Variants in HS3ST6 observed in about 807,000 individuals in gnomAD.
The protein encoded by HS3ST6 is heparan sulfate glucosamine 3-O-sulfotransferase 6.
Under a neutral mutation model 11.0 loss-of-function variants are expected in HS3ST6, and 13 were observed. That is an observed-to-expected ratio of 1.18 (90% CI 0.77 to 1.88). The LOEUF is 1.88. HS3ST6 is among the 40% of genes most tolerant of loss of function. The pLI, the probability that HS3ST6 is intolerant of heterozygous loss-of-function variation, is 0.00. For missense variants in HS3ST6, 541 were observed against 494.4 expected (o/e 1.09, Z -0.89); for synonymous variants, 232 against 230.6 (o/e 1.01, Z -0.06).
upstream of HS3ST6, among the ~76,000 whole-genome samples, chr16:1,918,835 G>A (rs2082945742): frequency 1.3e-5 from 2 of 152,182 alleles, no homozygotes; most frequent in South Asian, 2.1e-4. The surrounding 1 kb of genome is among the most constrained non-coding windows in gnomAD (Gnocchi z 6.0). Context: ...TCATCGCCAG[G>A]CCAAGGGGAC....
rs765483098 is a variant in HS3ST6 at position 1,911,694 on chromosome 16, G to T, written c.925C>A (p.His309Asn). 1.2e-6 allele frequency: 2 copies of T among 1,612,150 alleles called. No homozygotes were observed. The highest frequency in any genetic ancestry group is 2.2e-5 in the South Asian group (2 of 90,972). ...RCLGKSKGRP[H>N]PRVPQALVRR... ...ACCAGGGCCTGGGGCACGCGTGGGT[G>T]TGGCCGGCCCTTGGACTTGCCCAGG... Residue 309 changes from histidine to asparagine, a missense_variant, in exon 2 of 2, where the codon CAC becomes AAC. Physicochemically the swap from His to Asn is moderately conservative, Grantham distance 68. Transcript: ENST00000454677.
At chr16:1,916,264 G>C (rs556012453) in intron 1 of HS3ST6, among the ~76,000 whole-genome samples, 1 of 92,236 alleles carries the variant, frequency 1.1e-5, no homozygotes, top group Non-Finnish European at 2.3e-5. Flanking sequence ...GTTGGTCCAA[G>C]GGACAATACC....
upstream of HS3ST6, among the ~76,000 whole-genome samples, chr16:1,920,051 G>C (rs116532780): frequency 4.9e-5 from 7 of 144,210 alleles, no homozygotes; most frequent in African/African-American, 1.8e-4. Flanking sequence ...GGTCTCAGGA[G>C]TCCCCACGGT....
In HS3ST6 at chr16:1,912,023, G is replaced by A. The variant is rs189679573; in HGVS notation, c.596C>T (p.Pro199Leu). Residue 199 changes from proline (P) to leucine (L), a missense_variant, in exon 2 of 2, where the codon CCG becomes CTG. Physicochemically the swap from Pro to Leu is moderately conservative, Grantham distance 98. Transcript: ENST00000454677. The surrounding 1 kb of genome is among the most constrained non-coding windows in gnomAD (Gnocchi z 5.6). ...CAGGGCGCGGAAGCTGGGCAGGCCC[G>A]GGGTCTTGGAGAGCGTCTGGGCGTA... ...SDYAQTLSKT[P>L]GLPSFRALAF... The A allele has an allele frequency of 2.1e-3, 3,133 of 1,526,942 alleles. 23 individuals carry two copies. In the East Asian group the frequency reaches 0.024, roughly 12 times the overall value. 94.6% of individuals were successfully genotyped at this position (1,526,942 alleles called of 1,614,324 possible).
chr16:1,920,068 ATCCCCATGGTCTCAGCT>A (rs2082953146), upstream of HS3ST6, among the ~76,000 whole-genome samples: 4 of 84,184 alleles, frequency 4.8e-5, no homozygotes, highest in Non-Finnish European at 5.0e-5. Flanking sequence ...CGGTCTCAGC[ATCCCCATGGTCTCAGCT>A]GTCCCCAGGG....
chr16:1,917,953 T>G lies in HS3ST6; in HGVS notation c.371A>C (p.His124Pro). 6.6e-7 allele frequency: 1 copy of G among 1,514,688 alleles called. No individual in the cohort carries two copies. The highest frequency in any genetic ancestry group is 8.8e-7 in the Non-Finnish European group (1 of 1,136,416). 93.8% of individuals were successfully genotyped at this position (1,514,688 alleles called of 1,614,324 possible). A position where few individuals can be genotyped will look rare whatever the true frequency, so the allele number is the denominator to read the frequency against. The change falls in exon 1 of 2, where the codon CAC becomes CCC. Residue 124 changes from histidine (H) to proline (P), a missense_variant. By Grantham distance (77) the His-to-Pro change is moderately conservative. Transcript: ENST00000454677. ...PDVRALGSEP[H>P]FFDRCYERGL... ...GCGCTCGTAGCACCTGTCGAAGAAG[T>G]GGGGCTCAGAGCCCAGCGCGCGGAC...
Position 1,918,300 on chromosome 16 carries a change from G to T in HS3ST6, c.24C>A (p.Gly8=). The T allele has an allele frequency of 1.4e-6, 1 of 737,902 alleles. No individual in the cohort carries two copies. The highest frequency in any genetic ancestry group is 1.7e-6 in the Non-Finnish European group (1 of 604,804). 45.7% of individuals were successfully genotyped at this position (737,902 alleles called of 1,614,324 possible). The part of the protein sequence containing the change: MAGSGGL[G]GGAGGGQGAG... ...CGCCCTGGCCGCCCCCGGCCCCGCCGCCCAGGCCGCCGCTACCTGCCATGG... is the reference window on the plus strand; with the variant it reads ...CGCCCTGGCCGCCCCCGGCCCCGCCTCCCAGGCCGCCGCTACCTGCCATGG... Residue 8 remains glycine (G), a synonymous_variant, in exon 1 of 2, where the codon GGC becomes GGA. Transcript: ENST00000454677. The surrounding 1 kb of genome is among the most constrained non-coding windows in gnomAD (Gnocchi z 6.0).
intron 1 of HS3ST6, among the ~76,000 whole-genome samples, chr16:1,914,965 T>C (rs1013632416): frequency 2.0e-5 from 3 of 152,134 alleles, no homozygotes; most frequent in Admixed American, 6.5e-5. Flanking sequence ...CCCCTCCTTG[T>C]GGAGCCCACC....
rs1389260440 is a variant in HS3ST6 at position 1,918,298 on chromosome 16, C to A, written c.26G>T (p.Gly9Val). 8.2e-6 allele frequency: 6 copies of A among 733,962 alleles called. No homozygotes were observed. Among genetic ancestry groups the A allele is most frequent in the Non-Finnish European group, 1.0e-5 (6 of 600,614 alleles). 45.5% of individuals were successfully genotyped at this position (733,962 alleles called of 1,614,324 possible). The change falls in exon 1 of 2, where the codon GGC becomes GTC. Residue 9 changes from glycine to valine, a missense_variant. Gly to Val is a moderately radical substitution (Grantham distance 109). Coordinates refer to ENST00000454677, the MANE Select transcript of HS3ST6 (RefSeq NM_001009606.4). The surrounding 1 kb of genome is among the most constrained non-coding windows in gnomAD (Gnocchi z 6.0). ...TGCGCCCTGGCCGCCCCCGGCCCCG[C>A]CGCCCAGGCCGCCGCTACCTGCCAT... Reference protein sequence around the residue: MAGSGGLGGGAGGGQGAGA... With the variant: MAGSGGLGVGAGGGQGAGA...
rs2082891774 is a variant in HS3ST6, at chr16:1,911,943, C to T, written c.676G>A (p.Gly226Ser). Reference protein sequence around the residue: ...VDTAWSAVRIGLYAQHLDHWL... With the variant: ...VDTAWSAVRISLYAQHLDHWL... ...TGGTCCAGGTGCTGGGCGTACAGGC[C>T]GATGCGGACGGCGCTCCAGGCTGTG... is the stretch of plus-strand genomic sequence containing the variant. Residue 226 changes from glycine (G) to serine (S), a missense_variant, in exon 2 of 2, where the codon GGC becomes AGC. By Grantham distance (56) the Gly-to-Ser change is moderately conservative. Transcript: ENST00000454677. 9.5e-6 allele frequency: 15 copies of T among 1,585,806 alleles called. No homozygotes were observed. Among genetic ancestry groups the T allele is most frequent in the Non-Finnish European group, 1.3e-5 (15 of 1,164,744 alleles).
Position 1,911,901 on chromosome 16 carries a change from G to A in HS3ST6, c.718C>T (p.Pro240Ser). 1 of 1,604,198 alleles carries A rather than the reference G, an allele frequency of 6.2e-7. No homozygotes were observed. The highest frequency in any genetic ancestry group is 8.5e-7 in the Non-Finnish European group (1 of 1,174,190). ...CTGACGAACAGGAAGTGGGACAGGG[G>A]GAAGTAGCGCAGCCAGTGGTCCAGG... Reference protein sequence around the residue: ...QHLDHWLRYFPLSHFLFVSGE... With the variant: ...QHLDHWLRYFSLSHFLFVSGE... The change falls in exon 2 of 2, where the codon CCC becomes TCC. Residue 240 changes from proline to serine, a missense_variant. By Grantham distance (74) the Pro-to-Ser change is moderately conservative. Transcript: ENST00000454677.
At chr16:1,913,108 A>T (rs993519215) in intron 1 of HS3ST6, among the ~76,000 whole-genome samples, 2 of 152,154 alleles carry the variant, frequency 1.3e-5, no homozygotes, top group East Asian at 3.8e-4. Context: ...CCCGTCTTTA[A>T]CTGTAGCCCT....
chr16:1,913,778 C>G (rs2082908154), intron 1 of HS3ST6, among the ~76,000 whole-genome samples: 1 of 152,134 alleles, frequency 6.6e-6, no homozygotes, highest in Non-Finnish European at 1.5e-5. Flanking sequence ...CCTGCTCAGA[C>G]CCCCAGGGAA....
chr16:1,914,913 C>T (rs2082916382), intron 1 of HS3ST6, among the ~76,000 whole-genome samples: 1 of 152,138 alleles, frequency 6.6e-6, no homozygotes, highest in South Asian at 2.1e-4. Flanking sequence ...AGGACTGGAC[C>T]CCCGTGTGAC....
chr16:1,912,135 C>T lies in HS3ST6; in HGVS notation c.484G>A (p.Glu162Lys). ...ATGGCGTGGATGCGGCGGGGGGCCT[C>T]TCGCGTCACGAAGTAGCTGGGGGTC... ...EKTPSYFVTREAPRRIHAMSP... is the reference protein window; with the variant it reads ...EKTPSYFVTRKAPRRIHAMSP... The change falls in exon 2 of 2, where the codon GAG becomes AAG. Residue 162 changes from glutamate to lysine, a missense_variant. By Grantham distance (56) the Glu-to-Lys change is moderately conservative. Coordinates refer to ENST00000454677, the MANE Select transcript of HS3ST6 (RefSeq NM_001009606.4). The surrounding 1 kb of genome is among the most constrained non-coding windows in gnomAD (Gnocchi z 5.6). 2 of 1,493,430 alleles carry T rather than the reference C, an allele frequency of 1.3e-6. No individual in the cohort carries two copies. The highest frequency in any genetic ancestry group is 1.8e-6 in the Non-Finnish European group (2 of 1,122,956). The allele number at this position is 1,493,430 out of a possible 1,614,324, so 92.5% of individuals were successfully genotyped here. A position where few individuals can be genotyped will look rare whatever the true frequency, so the allele number is the denominator to read the frequency against.
At chr16:1,916,179 G>A (rs2982439) in intron 1 of HS3ST6, among the ~76,000 whole-genome samples, 38 of 57,668 alleles carry the variant, frequency 6.6e-4, no homozygotes, top group South Asian at 2.9e-3. Context: ...CGGAGAGCAT[G>A]AGGACACTTG....
chr16:1,913,364 G>A (rs549972236), intron 1 of HS3ST6, among the ~76,000 whole-genome samples: 4 of 152,286 alleles, frequency 2.6e-5, no homozygotes, highest in Non-Finnish European at 4.4e-5. Flanking sequence ...AAGGTCCCGG[G>A]GGAATCAGCC....
At chr16:1,913,374 C>T (rs1021412293) in intron 1 of HS3ST6, among the ~76,000 whole-genome samples, 1 of 152,166 alleles carries the variant, frequency 6.6e-6, no homozygotes, top group East Asian at 1.9e-4. Context: ...GGGAATCAGC[C>T]GACCACAGCC....
At chr16:1,920,036 C>CCCACGG (rs1428165095), upstream of HS3ST6, among the ~76,000 whole-genome samples, 75 of 151,850 alleles carry the variant, frequency 4.9e-4, 2 homozygotes, top group East Asian at 9.7e-4. Flanking sequence ...CTCAGGAGTC[C>CCCACGG]TCACGGTCTC....
Sources: gnomAD v4.1 joint callset for allele counts (sites outside exome capture counted in the v4.1 genomes callset) on GRCh38, gnomAD v4.1.1 for gene constraint, Gnocchi (gnomAD v3.1) non-coding constraint, MANE v1.5 for transcripts, NCBI Gene and HGNC (gene_info 2026-07-23, HGNC 2026-07-21) for gene names.